NARS2: variants seen among roughly 807,000 people sequenced by gnomAD.
NARS2 encodes the protein asparaginyl-tRNA synthetase 2, mitochondrial, also known as asparaginyl-tRNA synthetase.
In NARS2, 60 loss-of-function variants were observed where a neutral mutation model predicts 62.9. The observed-to-expected ratio is 0.95, with a 90% CI of 0.77 to 1.18. NARS2 has a LOEUF of 1.18. Ranked by LOEUF, NARS2 falls within the 50% of genes most tolerant of loss-of-function variation. The pLI is 0.00. For synonymous variants in NARS2, 196 were observed against 200.0 expected, an observed-to-expected ratio of 0.98 and a Z score of 0.17; for missense variants, 619 against 576.4, an observed-to-expected ratio of 1.07 and a Z score of -0.76.
chr11:78,502,653 G>A (rs1039531523), intron 6 of NARS2, among the ~76,000 whole-genome samples: 1 of 152,080 alleles, frequency 6.6e-6, no homozygotes, highest in African/African-American at 2.4e-5. Flanking sequence ...TGTCACTAAT[G>A]GTAAATTTTA....
chr11:78,441,628 T>C (rs532481698), intron 12 of NARS2, among the ~76,000 whole-genome samples: 1 of 152,082 alleles, frequency 6.6e-6, no homozygotes, highest in South Asian at 2.1e-4. Flanking sequence ...GAAGGATTGC[T>C]TGAACCTAGG....
At chr11:78,546,546 C>T (rs995062788) in intron 5 of NARS2, 2 of 152,178 alleles carry the variant, frequency 1.3e-5, no homozygotes, top group Non-Finnish European at 2.9e-5. Context: ...ATACATTCAA[C>T]AAGGAAAGAG....
chr11:78,503,162 C>T (rs148887109), intron 6 of NARS2, among the ~76,000 whole-genome samples: 7 of 152,188 alleles, frequency 4.6e-5, no homozygotes, highest in East Asian at 3.9e-4. Flanking sequence ...ACAATCAAAG[C>T]TGCTTTAACA....
chr11:78,551,056 G>C (rs1856086130), intron 5 of NARS2, among the ~76,000 whole-genome samples: 1 of 152,190 alleles, frequency 6.6e-6, no homozygotes, highest in Non-Finnish European at 1.5e-5. Context: ...GTTACCTAGA[G>C]CTAAGGGTGG....
intron 11 of NARS2, among the ~76,000 whole-genome samples, chr11:78,463,692 A>T (rs1487973897): frequency 6.7e-6 from 1 of 150,104 alleles, no homozygotes; most frequent in East Asian, 2.0e-4. Context: ...ATCTCAAAAA[A>T]AAGACAACTA....
Position 78,566,149 on chromosome 11 carries a change from T to C in NARS2, c.496A>G (p.Ile166Val). ...LRIRSEATAA[I>V]HSFFKDSGFV... ...GATCTTACCTTAAAGAAAGAATGAA[T>C]AGCAGCTGTCGCTTCACTGCGAATC... Residue 166 changes from isoleucine (I) to valine (V), a missense_variant, in exon 4 of 14, where the codon ATT (isoleucine) becomes GTT (valine). Ile to Val is a conservative substitution (Grantham distance 29). Transcript: ENST00000281038. 1.2e-6 allele frequency: 2 copies of C among 1,608,942 alleles called. No individual in the cohort carries two copies. The highest frequency in any genetic ancestry group is 1.7e-6 in the Non-Finnish European group (2 of 1,177,664).
intron 11 of NARS2, among the ~76,000 whole-genome samples, chr11:78,461,878 G>A (rs534288357): frequency 1.8e-4 from 27 of 152,024 alleles, no homozygotes; most frequent in Middle Eastern, 3.4e-3. Context: ...GCTTGAACCC[G>A]GGAGACAGAG....
chr11:78,468,621 G>T (rs1235431351), intron 10 of NARS2, among the ~76,000 whole-genome samples: 1 of 151,508 alleles, frequency 6.6e-6, no homozygotes, highest in African/African-American at 2.4e-5. Context: ...AGCCAGGATG[G>T]TCTCGATCTC....
chr11:78,509,655 G>A (rs1590794746), intron 6 of NARS2, among the ~76,000 whole-genome samples: 1 of 151,796 alleles, frequency 6.6e-6, no homozygotes, highest in East Asian at 1.9e-4. Flanking sequence ...TGTATGTTTT[G>A]GGGCACACCT....
chr11:78,441,762 G>T (rs774939646), intron 12 of NARS2, among the ~76,000 whole-genome samples: 3 of 151,680 alleles, frequency 2.0e-5, no homozygotes, highest in Non-Finnish European at 1.5e-5. Flanking sequence ...AAGGTTGTTG[G>T]GAGGCACACA....
intron 9 of NARS2, among the ~76,000 whole-genome samples, chr11:78,474,229 AT>A (rs1200561299): frequency 2.6e-5 from 4 of 152,294 alleles, no homozygotes; most frequent in Middle Eastern, 3.4e-3. Context: ...AAGGCAGAGT[AT>A]TTTTTTATAG....
At chr11:78,469,352 C>A in intron 9 of NARS2, 39 bp from the exon 10 acceptor site, 1 of 1,464,548 alleles carries the variant, frequency 6.8e-7, no homozygotes, top group Non-Finnish European at 9.6e-7. Flanking sequence ...AAAGTCAATA[C>A]AATGGAGCTG....
Position 78,484,166 on chromosome 11 carries a change from C to T in NARS2, c.823-5483G>A, listed in dbSNP as rs137875552. 5.2e-3 allele frequency among the ~76,000 whole-genome samples: 784 copies of T among 152,194 alleles called. 11 individuals are homozygous for T. Among genetic ancestry groups the T allele is most frequent in the East Asian group, 0.038 (197 of 5,182 alleles). On this transcript the variant is annotated intron_variant, in intron 7 of 13. Coordinates refer to ENST00000281038, the MANE Select transcript of NARS2 (RefSeq NM_024678.6). The stretch of plus-strand genomic sequence containing the variant: ...AGGATTCTCTATCTAATAAATGGTA[C>T]TGGGAAAACTGGCTGGTCATATGCA...
intron 9 of NARS2, among the ~76,000 whole-genome samples, chr11:78,470,021 G>T (rs530077002): frequency 2.6e-5 from 4 of 152,142 alleles, no homozygotes; most frequent in African/African-American, 9.7e-5. Flanking sequence ...ACAAGGACCT[G>T]AAGTGAGAAA....
chr11:78,442,195 T>C (rs1228573243), intron 12 of NARS2, among the ~76,000 whole-genome samples: 1 of 152,240 alleles, frequency 6.6e-6, no homozygotes, highest in Non-Finnish European at 1.5e-5. Flanking sequence ...AGATGAGGTT[T>C]CTTGCCATGT....
At chr11:78,541,004 C>G (rs764161014) in intron 5 of NARS2, among the ~76,000 whole-genome samples, 5 of 152,024 alleles carry the variant, frequency 3.3e-5, no homozygotes, top group Non-Finnish European at 5.9e-5. Context: ...ACTAAAAATA[C>G]AAAAATTAGC....
At chr11:78,476,543 T>C (rs1027702866) in intron 9 of NARS2, among the ~76,000 whole-genome samples, 7 of 152,214 alleles carry the variant, frequency 4.6e-5, no homozygotes, top group African/African-American at 1.7e-4. Flanking sequence ...GTGTCTCAAT[T>C]TCATTCCCAA....
chr11:78,441,068 A>C, intron 13 of NARS2, 23 bp downstream of exon 13: 1 of 1,609,874 alleles, frequency 6.2e-7, no homozygotes, highest in Non-Finnish European at 8.5e-7. Context: ...TAGAGTAAGA[A>C]TTATTAGGGG....
At chr11:78,462,346 C>CA (rs1271583964) in intron 11 of NARS2, among the ~76,000 whole-genome samples, 1 of 151,934 alleles carries the variant, frequency 6.6e-6, no homozygotes, top group Non-Finnish European at 1.5e-5. Flanking sequence ...ACCTGGGGGC[C>CA]AATTACACTA....
Sources: allele counts gnomAD v4.1 joint callset (sites outside exome capture counted in the v4.1 genomes callset), GRCh38; gene constraint gnomAD v4.1.1; transcripts MANE v1.5; gene names NCBI Gene and HGNC (gene_info 2026-07-23, HGNC 2026-07-21).